Variants in CDC42EP3 observed in about 807,000 individuals in gnomAD.
CDC42EP3 encodes the protein CDC42 effector protein (Rho GTPase binding) 3.
In CDC42EP3, 4 loss-of-function variants were observed where a neutral mutation model predicts 15.5. That is an observed-to-expected ratio of 0.26 (90% CI 0.13 to 0.59). The LOEUF (loss-of-function observed/expected upper bound fraction) is 0.59, where lower values mean the gene tolerates loss of function less well. Ranked by LOEUF, CDC42EP3 falls within the 20% of genes least tolerant of loss-of-function variation. CDC42EP3 has a pLI of 0.89. For missense variants in CDC42EP3, 309 were observed against 311.2 expected, an observed-to-expected ratio of 0.99 and a Z score of 0.05; for synonymous variants, 145 against 130.3, an observed-to-expected ratio of 1.11 and a Z score of -0.77.
chr2:37,651,186 A>G (rs1404083305), intron 1 of CDC42EP3, among the ~76,000 whole-genome samples: 2 of 152,260 alleles, frequency 1.3e-5, no homozygotes, highest in Non-Finnish European at 2.9e-5. Context: ...GCTTATCTAT[A>G]GAGTATTTCT....
At chr2:37,646,857 G>C (rs1665499314) in intron 1 of CDC42EP3, 35 bp from the exon 2 acceptor site, 1 of 297,066 alleles carries the variant, frequency 3.4e-6, no homozygotes. Context: ...ATAAGCTAAA[G>C]ACCCTTTTGG....
rs1665320144 is a variant in CDC42EP3 at position 37,643,072 on chromosome 2, G to A, written c.*2751C>T. 6.6e-6 allele frequency: 1 copy of A among 152,140 alleles called. No homozygotes were observed. The highest frequency in any genetic ancestry group is 2.4e-5 in the African/African-American group (1 of 41,426). The allele number at this position is 152,140 out of a possible 1,614,324, so 9.4% of individuals were successfully genotyped here. A position where few individuals can be genotyped will look rare whatever the true frequency, so the allele number is the denominator to read the frequency against. ...AAGAAGTGTCTCTACTTATACAAAT[G>A]GCATGGTTTCTTTTCTGGTTACTGG... On this transcript the variant is annotated 3_prime_UTR_variant, in exon 2 of 2. Coordinates refer to ENST00000295324, the MANE Select transcript of CDC42EP3 (RefSeq NM_006449.5).
At chr2:37,649,157 GA>G (rs1249589047) in intron 1 of CDC42EP3, among the ~76,000 whole-genome samples, 81 of 150,154 alleles carry the variant, frequency 5.4e-4, no homozygotes, top group Admixed American at 1.6e-3. Context: ...CTGTCTCTAT[GA>G]AAAAAAAATT....
rs771642721 is a variant in CDC42EP3 at position 37,653,069 on chromosome 2, A to C, written c.-235-6247T>G. 1.3e-4 allele frequency among the ~76,000 whole-genome samples: 20 copies of C among 152,112 alleles called. 1 individual carries two copies. Among genetic ancestry groups the C allele is most frequent in the Admixed American group, 1.3e-4 (2 of 15,268 alleles). On this transcript the variant is annotated intron_variant, in intron 1 of 1. Coordinates refer to ENST00000295324, the MANE Select transcript of CDC42EP3 (RefSeq NM_006449.5). ...TCATGGTTTGTTCCTCTTTCCCTTC[A>C]TAGATAACACTGGAGATAACATTCA...
intron 1 of CDC42EP3, among the ~76,000 whole-genome samples, chr2:37,660,035 A>G (rs902591114): frequency 6.6e-6 from 1 of 152,178 alleles, no homozygotes; most frequent in Non-Finnish European, 1.5e-5. Context: ...TAAAATGGAG[A>G]TAATCATCCC....
At chr2:37,656,400 A>T (rs1665845421) in intron 1 of CDC42EP3, among the ~76,000 whole-genome samples, 1 of 152,054 alleles carries the variant, frequency 6.6e-6, no homozygotes, top group African/African-American at 2.4e-5. Flanking sequence ...TAAATCCATA[A>T]CCCCTGCTAG....
rs139544135 is a variant in CDC42EP3, at chr2:37,658,141, C to T, written c.-235-11319G>A. ...AATTCCCCCGGCAATCACATACCAC[C>T]TCTAGGGATAACTTCCAAGTCAGTA... On this transcript the variant is annotated intron_variant, in intron 1 of 1. Transcript: ENST00000295324. Among the ~76,000 whole-genome samples, 1,422 of 152,294 alleles carry T rather than the reference C, an allele frequency of 9.3e-3. 18 individuals are homozygous for T. Among genetic ancestry groups the T allele is most frequent in the Non-Finnish European group, 0.016 (1,078 of 68,016 alleles).
chr2:37,654,738 C>T (rs980116453), intron 1 of CDC42EP3, among the ~76,000 whole-genome samples: 1 of 152,224 alleles, frequency 6.6e-6, no homozygotes, highest in South Asian at 2.1e-4. Flanking sequence ...CGCACACGGA[C>T]TTTCCCTTGA....
chr2:37,652,787 T>A (rs574390590), intron 1 of CDC42EP3, among the ~76,000 whole-genome samples: 17 of 152,022 alleles, frequency 1.1e-4, no homozygotes, highest in Non-Finnish European at 1.9e-4. Flanking sequence ...TTGCCCAGGC[T>A]GGTCTTGAAC....
intron 1 of CDC42EP3, chr2:37,647,593 A>T (rs940274064): frequency 1.3e-5 from 2 of 152,298 alleles, no homozygotes; most frequent in African/African-American, 2.4e-5. Flanking sequence ...CACTTCTGAA[A>T]CATTACTGAT....
intron 1 of CDC42EP3, among the ~76,000 whole-genome samples, chr2:37,647,998 A>G (rs1390834022): frequency 6.6e-6 from 1 of 152,198 alleles, no homozygotes; most frequent in Non-Finnish European, 1.5e-5. Flanking sequence ...GACCCACAGA[A>G]CCTGTGAAAT....
chr2:37,672,849 T>A (rs533878151), upstream of CDC42EP3, among the ~76,000 whole-genome samples: 1 of 152,146 alleles, frequency 6.6e-6, no homozygotes, highest in Non-Finnish European at 1.5e-5. Flanking sequence ...CCGAGAGATA[T>A]CAGCTTCAGG....
intron 1 of CDC42EP3, among the ~76,000 whole-genome samples, chr2:37,664,046 T>A (rs1448032399): frequency 6.6e-6 from 1 of 151,940 alleles, no homozygotes; most frequent in African/African-American, 2.4e-5. Context: ...TTGTGGAGGG[T>A]GCCTGTAGTC....
At chr2:37,664,511 A>C (rs1025757495) in intron 1 of CDC42EP3, among the ~76,000 whole-genome samples, 11 of 152,156 alleles carry the variant, frequency 7.2e-5, no homozygotes, top group Non-Finnish European at 1.5e-5. Flanking sequence ...CCCTTTATAT[A>C]TACATCTATC....
At chr2:37,662,312 C>T (rs1666081577) in intron 1 of CDC42EP3, among the ~76,000 whole-genome samples, 1 of 152,044 alleles carries the variant, frequency 6.6e-6, no homozygotes, top group Non-Finnish European at 1.5e-5. Flanking sequence ...AAGTGCTTGG[C>T]AAAGCACCTG....
At position 37,648,822 on chromosome 2, in the gene CDC42EP3, C is replaced by A. The variant is rs192518631; in HGVS notation, c.-235-2000G>T. Among the ~76,000 whole-genome samples the A allele has an allele frequency of 8.5e-5, 13 of 152,170 alleles. No homozygotes were observed. The East Asian group carries it at 2.3e-3, about 27-fold the overall frequency. ...ACAATGCCTAGTCCTGGCCTCGGGC[C>A]CCCTGCTGTTCAGAGGTGGCCTCCC... On this transcript the variant is annotated intron_variant, in intron 1 of 1. Transcript: ENST00000295324.
intron 1 of CDC42EP3, among the ~76,000 whole-genome samples, chr2:37,653,258 A>T (rs899558250): frequency 1.3e-5 from 2 of 152,184 alleles, no homozygotes; most frequent in African/African-American, 4.8e-5. Flanking sequence ...CTGAGAACGG[A>T]CATGCTCCCT....
At chr2:37,666,034 C>T (rs183989428) in intron 1 of CDC42EP3, among the ~76,000 whole-genome samples, 2 of 152,250 alleles carry the variant, frequency 1.3e-5, no homozygotes, top group East Asian at 3.9e-4. Context: ...CTTTTGATTG[C>T]CCTCACTTAA....
intron 1 of CDC42EP3, among the ~76,000 whole-genome samples, chr2:37,661,582 G>C (rs1255286041): frequency 1.3e-5 from 2 of 152,116 alleles, no homozygotes; most frequent in African/African-American, 4.8e-5. Flanking sequence ...CTGCTTTTGG[G>C]TTAACATTAA....
Sources: allele counts gnomAD v4.1 joint callset (sites outside exome capture counted in the v4.1 genomes callset), GRCh38; gene constraint gnomAD v4.1.1; transcripts MANE v1.5; gene names NCBI Gene and HGNC (gene_info 2026-07-23, HGNC 2026-07-21).